Variants in CEP164 observed in about 807,000 individuals in gnomAD.
The protein encoded by CEP164 is centrosomal protein of 164 kDa.
Under a neutral mutation model 182.7 loss-of-function variants are expected in CEP164, and 162 were observed. The ratio of observed to expected loss-of-function variants is 0.89; its 90% confidence interval spans 0.78 to 1.01. CEP164 has a LOEUF of 1.01. Among genes scored for constraint, CEP164 ranks in the 50% least tolerant of loss-of-function variants. CEP164 has a pLI of 0.00. For synonymous variants in CEP164, 661 were observed against 690.0 expected (o/e 0.96, Z 0.66); for missense variants, 1,735 against 1,790.4 (o/e 0.97, Z 0.56).
In CEP164 at chr11:117,391,191, G is replaced by C. The variant is rs761803143; in HGVS notation, c.2259G>C (p.Glu753Asp). Residue 753 changes from glutamate to aspartate, a missense_variant, in exon 17 of 33, where the codon GAG becomes GAC. Coordinates refer to ENST00000278935, the MANE Select transcript of CEP164 (RefSeq NM_014956.5). ...AGAAGGCTCTGCAGCAGCTGAGGGA[G>C]CAGCTGGAAGGGGAGAGGAAAGAAG... is the stretch of plus-strand genomic sequence containing the variant. The part of the protein sequence containing the change: ...AKEKALQQLR[E>D]QLEGERKEAV... The C allele has an allele frequency of 6.2e-7, 1 of 1,611,910 alleles. No homozygotes were observed. Among genetic ancestry groups the C allele is most frequent in the Admixed American group, 1.7e-5 (1 of 59,842 alleles).
intron 7 of CEP164, 131 bp from the exon 8 acceptor site, chr11:117,363,298 C>T: frequency 1.6e-6 from 1 of 641,762 alleles, no homozygotes. Context: ...TGGTCCTGCT[C>T]TGAGTCCTCT....
rs144135343 is a variant in CEP164 at position 117,380,640 on chromosome 11, C to G, written c.1344C>G (p.Asp448Glu). Residue 448 changes from aspartate (D) to glutamate (E), a missense_variant, in exon 12 of 33, where the codon GAC (aspartate) becomes GAG (glutamate). Coordinates refer to ENST00000278935, the MANE Select transcript of CEP164 (RefSeq NM_014956.5). ...CCCAGCAACCACTGGGAATAGAAGA[C>G]AAGGATGACAGCCAGTCCAGCCAAG... ...RQAQQPLGIE[D>E]KDDSQSSQDE... 1 of 1,606,414 alleles carries G rather than the reference C, an allele frequency of 6.2e-7. No homozygotes were observed. The highest frequency in any genetic ancestry group is 8.5e-7 in the Non-Finnish European group (1 of 1,176,518).
intron 5 of CEP164, chr11:117,356,733 G>T (rs2040340104): frequency 1.9e-6 from 2 of 1,073,946 alleles, no homozygotes; most frequent in African/African-American, 3.4e-5. Flanking sequence ...CCCTACCGTG[G>T]TAACTATTGG....
At chr11:117,396,694 G>A in intron 26 of CEP164, 83 bp downstream of exon 26, 1 of 1,101,722 alleles carries the variant, frequency 9.1e-7, no homozygotes, top group Non-Finnish European at 1.4e-6. Context: ...GCTGGGGTGA[G>A]CTGAAGTGAG....
At chr11:117,378,886 A>G (rs1357291806) in intron 11 of CEP164, among the ~76,000 whole-genome samples, 1 of 152,128 alleles carries the variant, frequency 6.6e-6, no homozygotes, top group African/African-American at 2.4e-5. Context: ...CTTTTTTCTT[A>G]TGGTGTATGG....
chr11:117,376,307 T>C (rs112343321), intron 11 of CEP164, among the ~76,000 whole-genome samples: 104 of 152,352 alleles, frequency 6.8e-4, no homozygotes, highest in Non-Finnish European at 1.2e-3. Flanking sequence ...TCCCTTTCTT[T>C]GCTCCGTTTA....
intron 1 of CEP164, among the ~76,000 whole-genome samples, chr11:117,333,580 G>A (rs1239345354): frequency 6.6e-6 from 1 of 152,148 alleles, no homozygotes; most frequent in Non-Finnish European, 1.5e-5. Context: ...TGAGCCTGGA[G>A]TGTGGTGGCA....
chr11:117,412,090 A>G lies in CEP164; in HGVS notation c.4305A>G (p.Thr1435=), dbSNP rs1470643665. Residue 1435 remains threonine, a synonymous_variant, in exon 33 of 33, where the codon ACA becomes ACG. Coordinates refer to ENST00000278935, the MANE Select transcript of CEP164 (RefSeq NM_014956.5). ...TGGCCAGACCTCTCTTCTCGTCAAC[A>G]CCCAAGCCAAAAGCTACTTTGAGCC... ...NDPRLPLFSS[T]PKPKATLSLL... The G allele has an allele frequency of 5.0e-6, 8 of 1,613,996 alleles. No individual in the cohort carries two copies. The highest frequency in any genetic ancestry group is 2.2e-5 in the East Asian group (1 of 44,854).
In CEP164 at chr11:117,412,074, C is replaced by T. The variant is rs1175230679; in HGVS notation, c.4289C>T (p.Pro1430Leu). ...LERVKNDPRLPLFSSTPKPKA... is the reference protein window; with the variant it reads ...LERVKNDPRLLLFSSTPKPKA... ...GTTTTCCTTCACCTTGTGGCCAGACCTCTCTTCTCGTCAACACCCAAGCCA... is the reference window on the plus strand; with the variant it reads ...GTTTTCCTTCACCTTGTGGCCAGACTTCTCTTCTCGTCAACACCCAAGCCA... Residue 1430 changes from proline to leucine, a missense_variant and splice_region_variant, in exon 33 of 33, where the codon CCT (proline) becomes CTT (leucine). Physicochemically the swap from Pro to Leu is moderately conservative, Grantham distance 98 (BLOSUM62 -3). Coordinates refer to ENST00000278935, the MANE Select transcript of CEP164 (RefSeq NM_014956.5). 6 of 1,614,010 alleles carry T rather than the reference C, an allele frequency of 3.7e-6. 1 individual carries two copies. The South Asian group carries it at 4.4e-5, about 12-fold the overall frequency.
chr11:117,408,578 G>T, intron 28 of CEP164: 1 of 382,898 alleles, frequency 2.6e-6, no homozygotes, highest in Middle Eastern at 8.0e-4. Flanking sequence ...CTGTGAGGCA[G>T]CCTGTGTGAT....
intron 14 of CEP164, chr11:117,385,453 C>T (rs1191729637): frequency 6.6e-6 from 1 of 152,352 alleles, no homozygotes; most frequent in African/African-American, 2.4e-5. Flanking sequence ...GCCCAGGTTG[C>T]CTCTGTGCAA....
chr11:117,330,693 C>G (rs901950122), intron 1 of CEP164, among the ~76,000 whole-genome samples: 1 of 152,122 alleles, frequency 6.6e-6, no homozygotes, highest in Admixed American at 6.6e-5. Flanking sequence ...GTCTGAATGG[C>G]CTTAACTTAT....
At chr11:117,404,710 G>C (rs1004276804) in intron 27 of CEP164, among the ~76,000 whole-genome samples, 3 of 152,242 alleles carry the variant, frequency 2.0e-5, no homozygotes, top group Non-Finnish European at 4.4e-5. Flanking sequence ...TCTCTTCAGA[G>C]CCAGCAGGCA....
chr11:117,378,086 C>G (rs1181802140), intron 11 of CEP164, among the ~76,000 whole-genome samples: 2 of 151,822 alleles, frequency 1.3e-5, no homozygotes, highest in Admixed American at 6.6e-5. Context: ...CCAGGCTGGT[C>G]TCGAACTCTT....
chr11:117,341,431 C>G (rs2038101191), intron 3 of CEP164, among the ~76,000 whole-genome samples: 1 of 150,172 alleles, frequency 6.7e-6, no homozygotes, highest in South Asian at 2.2e-4. Flanking sequence ...GTCACATTGG[C>G]CTTTTTTTGT....
In CEP164 at chr11:117,371,012, T is replaced by C. The variant is rs147107536; in HGVS notation, c.766-68T>C. The stretch of plus-strand genomic sequence containing the variant: ...GTCAGGGAATAGCATTTCCATCTTG[T>C]AGCATGTCTCAACTCCTTTTGCACA... On this transcript the variant is annotated intron_variant, in intron 8 of 32. Coordinates refer to ENST00000278935, the MANE Select transcript of CEP164 (RefSeq NM_014956.5). 3.1e-4 allele frequency: 464 copies of C among 1,479,468 alleles called. 1 individual carries two copies. The East Asian group carries it at 0.01, about 33-fold the overall frequency. The allele number at this position is 1,479,468 out of a possible 1,614,324, so 91.6% of individuals were successfully genotyped here.
At chr11:117,392,732 C>A in intron 19 of CEP164, 105 bp downstream of exon 19, 1 of 1,475,476 alleles carries the variant, frequency 6.8e-7, no homozygotes, top group African/African-American at 1.4e-5. Flanking sequence ...CTTTGGATGG[C>A]TCAGCTGGGG....
At chr11:117,361,368 G>A (rs562684982) in intron 5 of CEP164, among the ~76,000 whole-genome samples, 33 of 148,732 alleles carry the variant, frequency 2.2e-4, no homozygotes, top group African/African-American at 8.2e-4. Flanking sequence ...AGCCTCCCGA[G>A]TAGCTGGGAC....
chr11:117,391,764 A>T (rs2044684893), intron 17 of CEP164, among the ~76,000 whole-genome samples: 1 of 152,144 alleles, frequency 6.6e-6, no homozygotes, highest in South Asian at 2.1e-4. Flanking sequence ...AGGTTTTAGC[A>T]CAGTCTCTCT....
Sources: allele counts gnomAD v4.1 joint callset (sites outside exome capture counted in the v4.1 genomes callset), GRCh38; gene constraint gnomAD v4.1.1; transcripts MANE v1.5; gene names NCBI Gene and HGNC (gene_info 2026-07-23, HGNC 2026-07-21).